Variants in GAA observed in about 807,000 individuals in gnomAD.
GAA encodes the protein lysosomal alpha-glucosidase.
A neutral mutation model predicts 103.9 loss-of-function variants in GAA; 88 were observed. That is an observed-to-expected ratio of 0.85 (90% CI 0.71 to 1.01). The LOEUF is 1.01. Among genes scored for constraint, GAA ranks in the 50% least tolerant of loss-of-function variants. The pLI is 0.00. For synonymous variants in GAA, 572 were observed against 563.1 expected (o/e 1.02, Z -0.22); for missense variants, 1,350 against 1,305.3 (o/e 1.03, Z -0.53).
intron 11 of GAA, 171 bp from the exon 12 acceptor site, chr17:80,111,812 C>G: frequency 1.6e-6 from 1 of 616,804 alleles, no homozygotes; most frequent in Non-Finnish European, 2.9e-6. Flanking sequence ...CCCAGGTTCC[C>G]GGGTAACGCC....
At chr17:80,115,235 C>T (rs1421003532) in intron 15 of GAA, among the ~76,000 whole-genome samples, 1 of 152,202 alleles carries the variant, frequency 6.6e-6, no homozygotes, top group Non-Finnish European at 1.5e-5. Context: ...GCCCAGGGGT[C>T]TTTGCAGCTC....
In GAA at chr17:80,109,794, C is replaced by A. The variant is rs554377791; in HGVS notation, c.1327-151C>A. On this transcript the variant is annotated intron_variant, in intron 8 of 19. Transcript: ENST00000302262. ...CGGCCCTGGCTCCTCTCCAGGCAGG[C>A]GTGTGCAGGCATGTGCAGGTACACA... The A allele has an allele frequency of 1.3e-5, 8 of 602,342 alleles. No individual in the cohort carries two copies. In the Admixed American group the frequency reaches 2.4e-4, roughly 18 times the overall value. 37.3% of individuals were successfully genotyped at this position (602,342 alleles called of 1,614,324 possible).
intron 15 of GAA, among the ~76,000 whole-genome samples, chr17:80,114,443 G>A (rs1382435990): frequency 7.0e-6 from 1 of 142,510 alleles, no homozygotes; most frequent in Non-Finnish European, 1.5e-5. Flanking sequence ...TTTTTTAGTG[G>A]TTGCCCTAGG....
chr17:80,105,212 G>C, intron 2 of GAA, 80 bp downstream of exon 2: 1 of 1,378,240 alleles, frequency 7.3e-7, no homozygotes, highest in Non-Finnish European at 9.9e-7. Context: ...TCACAAGGGT[G>C]GGGTGCATGT....
intron 3 of GAA, 70 bp downstream of exon 3, chr17:80,105,964 A>G (rs1041020802): frequency 1.2e-5 from 18 of 1,520,086 alleles, no homozygotes; most frequent in Admixed American, 3.7e-5. Flanking sequence ...AGGGAGGGCC[A>G]CACGCGTTTG....
intron 15 of GAA, among the ~76,000 whole-genome samples, chr17:80,114,594 C>T (rs531856565): frequency 3.4e-4 from 51 of 152,170 alleles, no homozygotes; most frequent in African/African-American, 1.2e-3. Context: ...CCATGATGAG[C>T]CCATCCACGC....
intron 17 of GAA, 142 bp downstream of exon 17, chr17:80,117,891 C>G (rs901875795): frequency 1.1e-6 from 1 of 912,746 alleles, no homozygotes; most frequent in African/African-American, 1.7e-5. Flanking sequence ...AGGAGCCAGC[C>G]AGGCCAGTGA....
In GAA at chr17:80,112,049, A is replaced by C; in HGVS notation, c.1703A>C (p.His568Pro). The change falls in exon 12 of 20, where the codon CAC becomes CCC. Residue 568 changes from histidine (H) to proline (P), a missense_variant. Coordinates refer to ENST00000302262, the MANE Select transcript of GAA (RefSeq NM_000152.5). ...TCCAGCCACCAGTTTCTCTCCACAC[A>C]CTACAACCTGCACAACCTCTACGGC... ...CASSHQFLST[H>P]YNLHNLYGLT... 6.2e-7 allele frequency: 1 copy of C among 1,614,028 alleles called. No individual in the cohort carries two copies. Among genetic ancestry groups the C allele is most frequent in the South Asian group, 1.1e-5 (1 of 91,086 alleles).
In GAA at chr17:80,108,706, T is replaced by C; in HGVS notation, c.1204T>C (p.Trp402Arg). Residue 402 changes from tryptophan (W) to arginine (R), a missense_variant, in exon 8 of 20, where the codon TGG becomes CGG. Physicochemically the swap from Trp to Arg is moderately radical, Grantham distance 101. Coordinates refer to ENST00000302262, the MANE Select transcript of GAA (RefSeq NM_000152.5). ...CGTGTTGTGGCTGCAGGACGTCCAGTGGAACGACCTGGACTACATGGACTC... is the reference window on the plus strand; with the variant it reads ...CGTGTTGTGGCTGCAGGACGTCCAGCGGAACGACCTGGACTACATGGACTC... ...TRAHFPLDVQWNDLDYMDSRR... is the reference protein window; with the variant it reads ...TRAHFPLDVQRNDLDYMDSRR... The C allele has an allele frequency of 6.2e-7, 1 of 1,612,646 alleles. No individual in the cohort carries two copies. Among genetic ancestry groups the C allele is most frequent in the Non-Finnish European group, 8.5e-7 (1 of 1,179,922 alleles).
Position 80,104,692 on chromosome 17 carries a change from C to T in GAA, c.106C>T (p.Leu36=). 1 of 1,613,324 alleles carries T rather than the reference C, an allele frequency of 6.2e-7. No individual in the cohort carries two copies. Among genetic ancestry groups the T allele is most frequent in the Non-Finnish European group, 8.5e-7 (1 of 1,179,974 alleles). The change falls in exon 2 of 20, where the codon CTG becomes TTG. Residue 36 remains leucine (L), a synonymous_variant. Transcript: ENST00000302262. This position sits in a 1 kb window ranked among gnomAD's most constrained non-coding sequence, Gnocchi z 4.0. ...GGGGCACATCCTACTCCATGATTTC[C>T]TGCTGGTTCCCCGAGAGCTGAGTGG... The part of the protein sequence containing the change: ...LLGHILLHDF[L]LVPRELSGSS...
rs1423110429 is a variant in GAA, at chr17:80,105,013, T to G, written c.427T>G (p.Ser143Ala). 1.9e-6 allele frequency: 3 copies of G among 1,612,866 alleles called. No individual in the cohort carries two copies. Among genetic ancestry groups the G allele is most frequent in the Non-Finnish European group, 2.5e-6 (3 of 1,179,994 alleles). ...CAGCTACAAGCTGGAGAACCTGAGC[T>G]CCTCTGAAATGGGCTACACGGCCAC... Reference protein sequence around the residue: ...YPSYKLENLSSSEMGYTATLT... With the variant: ...YPSYKLENLSASEMGYTATLT... Residue 143 changes from serine (S) to alanine (A), a missense_variant, in exon 2 of 20, where the codon TCC becomes GCC. Ser to Ala is a moderately conservative substitution (Grantham distance 99). Coordinates refer to ENST00000302262, the MANE Select transcript of GAA (RefSeq NM_000152.5).
rs914850659 is a variant in GAA at position 80,111,146 on chromosome 17, G to T, written c.1636+121G>T. The T allele has an allele frequency of 5.0e-4, 469 of 941,484 alleles. 2 individuals carry two copies. Among genetic ancestry groups the T allele is most frequent in the Non-Finnish European group, 7.0e-4 (427 of 611,360 alleles). 58.3% of individuals were successfully genotyped at this position (941,484 alleles called of 1,614,324 possible). ...ATGGGCCAGCGGGGAAAGGGGCGGGGGGGGGATCCCCAGGAGAAAGGCTCA... is the reference window on the plus strand; with the variant it reads ...ATGGGCCAGCGGGGAAAGGGGCGGGTGGGGGATCCCCAGGAGAAAGGCTCA... On this transcript the variant is annotated intron_variant, in intron 11 of 19. Coordinates refer to ENST00000302262, the MANE Select transcript of GAA (RefSeq NM_000152.5).
At position 80,108,597 on chromosome 17, in the gene GAA, A is replaced by T. The variant is rs775121651; in HGVS notation, c.1184A>T (p.His395Leu). ...RQVVENMTRAHFPLDVQWNDL... is the reference protein window; with the variant it reads ...RQVVENMTRALFPLDVQWNDL... ...GTGGTGGAGAACATGACCAGGGCCC[A>T]CTTCCCCCTGGTGAGTTGGGGTGGT... The change falls in exon 7 of 20, where the codon CAC becomes CTC. Residue 395 changes from histidine (H) to leucine (L), a missense_variant. Transcript: ENST00000302262. 1 of 1,612,744 alleles carries T rather than the reference A, an allele frequency of 6.2e-7. No homozygotes were observed. The highest frequency in any genetic ancestry group is 2.2e-5 in the East Asian group (1 of 44,864).
intron 12 of GAA, 127 bp from the exon 13 acceptor site, chr17:80,112,451 G>A (rs555117574): frequency 4.3e-5 from 52 of 1,221,302 alleles, no homozygotes; most frequent in African/African-American, 2.5e-4. Flanking sequence ...CAGTAGCCTC[G>A]CCGTCCTCCT....
At chr17:80,118,075 C>A in intron 17 of GAA, 118 bp from the exon 18 acceptor site, 2 of 1,196,562 alleles carry the variant, frequency 1.7e-6, no homozygotes, top group South Asian at 1.4e-5. Context: ...CGCAGGTGTT[C>A]CTGCAGATCC....
Position 80,107,612 on chromosome 17 carries a change from A to G in GAA, c.748A>G (p.Thr250Ala), listed in dbSNP as rs2039117417. Residue 250 changes from threonine to alanine, a missense_variant, in exon 4 of 20, where the codon ACC becomes GCC. Thr to Ala is a moderately conservative substitution (Grantham distance 58). Coordinates refer to ENST00000302262, the MANE Select transcript of GAA (RefSeq NM_000152.5). ...TGCGGACCAGTTCCTTCAGCTGTCC[A>G]CCTCGCTGCCCTCGCAGTATATCAC... Reference protein sequence around the residue: ...FFADQFLQLSTSLPSQYITGL... With the variant: ...FFADQFLQLSASLPSQYITGL... 1 of 1,613,100 alleles carries G rather than the reference A, an allele frequency of 6.2e-7. No individual in the cohort carries two copies. Among genetic ancestry groups the G allele is most frequent in the Non-Finnish European group, 8.5e-7 (1 of 1,179,870 alleles).
chr17:80,109,664 T>C (rs2041844256), intron 8 of GAA, among the ~76,000 whole-genome samples: 1 of 151,880 alleles, frequency 6.6e-6, no homozygotes, highest in African/African-American at 2.4e-5. Context: ...AAAAGAAAAG[T>C]GATTACTGTA....
chr17:80,114,089 GA>G (rs75151558), intron 15 of GAA, among the ~76,000 whole-genome samples: 489 of 70,440 alleles, frequency 6.9e-3, no homozygotes, highest in African/African-American at 0.012. Flanking sequence ...TTCATTTAGA[GA>G]AAAAAAAAAA....
chr17:80,117,175 C>A, intron 16 of GAA, 66 bp downstream of exon 16: 1 of 1,549,612 alleles, frequency 6.5e-7, no homozygotes, highest in Non-Finnish European at 8.8e-7. Context: ...CCTGCCCCCT[C>A]CACCCAGTTG....
Sources: gnomAD v4.1 joint callset for allele counts (sites outside exome capture counted in the v4.1 genomes callset) on GRCh38, gnomAD v4.1.1 for gene constraint, Gnocchi (gnomAD v3.1) non-coding constraint, MANE v1.5 for transcripts, NCBI Gene and HGNC (gene_info 2026-07-23, HGNC 2026-07-21) for gene names.